FTCDNL1: variants seen among roughly 807,000 people sequenced by gnomAD.
The protein encoded by FTCDNL1 is formiminotransferase N-terminal subdomain-containing protein.
Under a neutral mutation model 5.9 loss-of-function variants are expected in FTCDNL1, and 11 were observed. The ratio of observed to expected loss-of-function variants is 1.87; its 90% CI spans 1.18 to 3.10. FTCDNL1 has a LOEUF of 3.10. Ranked by LOEUF, FTCDNL1 falls within the 30% of genes most tolerant of loss-of-function variation. The pLI is 0.00. For synonymous variants in FTCDNL1, 58 were observed against 24.8 expected (o/e 2.34, Z -3.99); for missense variants, 115 against 65.5 (o/e 1.76, Z -2.61).
At chr2:199,703,811 T>G in the FTCDNL1 span, among the ~76,000 whole-genome samples, 1 of 152,212 alleles carries the variant, frequency 6.6e-6, no homozygotes, top group South Asian at 2.1e-4. Context: ...TGTATGTATT[T>G]AAATTTTTCT....
chr2:199,770,707 A>T (rs1024958650), intron 3 of FTCDNL1, among the ~76,000 whole-genome samples: 1 of 152,218 alleles, frequency 6.6e-6, no homozygotes, highest in African/African-American at 2.4e-5. Context: ...AGGGGAGAAT[A>T]GAGCCCTTTG....
At chr2:199,685,622 A>C in the FTCDNL1 span, among the ~76,000 whole-genome samples, 2 of 152,178 alleles carry the variant, frequency 1.3e-5, no homozygotes, top group Non-Finnish European at 2.9e-5. Context: ...GAAGTTCTCT[A>C]AGTTACCCAG....
At chr2:199,804,016 A>G (rs756997762) in intron 3 of FTCDNL1, among the ~76,000 whole-genome samples, 5 of 152,236 alleles carry the variant, frequency 3.3e-5, no homozygotes, top group Non-Finnish European at 5.9e-5. Flanking sequence ...TTGCTATTTT[A>G]TCTTCCTTTT....
At chr2:199,834,255 G>A (rs1702562377) in intron 3 of FTCDNL1, among the ~76,000 whole-genome samples, 2 of 152,146 alleles carry the variant, frequency 1.3e-5, no homozygotes, top group South Asian at 4.1e-4. Context: ...ACACCTCTCA[G>A]AAGGAACCAA....
intron 3 of FTCDNL1, among the ~76,000 whole-genome samples, chr2:199,841,433 G>A (rs1559245243): frequency 6.6e-6 from 1 of 151,848 alleles, no homozygotes; most frequent in Non-Finnish European, 1.5e-5. Flanking sequence ...AAAATATTGG[G>A]GAAAAACCTG....
At chr2:199,804,349 C>T (rs996998157), downstream of FTCDNL1, among the ~76,000 whole-genome samples, 1 of 152,142 alleles carries the variant, frequency 6.6e-6, no homozygotes, top group Non-Finnish European at 1.5e-5. Flanking sequence ...AGATAAAAAG[C>T]ATTATCTACA....
the FTCDNL1 span, among the ~76,000 whole-genome samples, chr2:199,705,054 T>A: frequency 0.84 from 127,112 of 152,114 alleles, 53,325 homozygotes; most frequent in East Asian, 1. Flanking sequence ...CCACAGAAAC[T>A]ACAAATGACA....
At chr2:199,842,023 C>T (rs879634808) in intron 3 of FTCDNL1, among the ~76,000 whole-genome samples, 1 of 152,094 alleles carries the variant, frequency 6.6e-6, no homozygotes, top group Non-Finnish European at 1.5e-5. Context: ...CTTTGGGAGG[C>T]CGAGGCCGGC....
chr2:199,761,156 T>A (rs1383937369), intron 3 of FTCDNL1, among the ~76,000 whole-genome samples: 1 of 152,214 alleles, frequency 6.6e-6, no homozygotes, highest in African/African-American at 2.4e-5. Context: ...GTAAGAAGCC[T>A]GCAGGTATCC....
At chr2:199,723,237 T>A in the FTCDNL1 span, among the ~76,000 whole-genome samples, 2 of 152,146 alleles carry the variant, frequency 1.3e-5, no homozygotes, top group Admixed American at 1.3e-4. Flanking sequence ...AGATTTTGTA[T>A]CCTGAGACTT....
At chr2:199,832,334 G>A (rs1046213763) in intron 3 of FTCDNL1, among the ~76,000 whole-genome samples, 1 of 152,036 alleles carries the variant, frequency 6.6e-6, no homozygotes, top group East Asian at 1.9e-4. Flanking sequence ...TTATTTCATG[G>A]ACTCAGTTTT....
intron 3 of FTCDNL1, among the ~76,000 whole-genome samples, chr2:199,774,759 C>T (rs183276427): frequency 2.6e-5 from 4 of 152,222 alleles, no homozygotes; most frequent in Non-Finnish European, 5.9e-5. Flanking sequence ...AGAACTGACC[C>T]TCAGGTTTTT....
chr2:199,699,028 A>C, the FTCDNL1 span, among the ~76,000 whole-genome samples: 1 of 152,358 alleles, frequency 6.6e-6, no homozygotes, highest in East Asian at 1.9e-4. Flanking sequence ...AGACATGGAT[A>C]TATTTCTGAA....
downstream of FTCDNL1, among the ~76,000 whole-genome samples, chr2:199,809,110 C>T (rs959600519): frequency 3.9e-5 from 6 of 152,102 alleles, no homozygotes; most frequent in African/African-American, 4.8e-5. Context: ...TTTCCATCTT[C>T]GTTGTAATCA....
At chr2:199,822,731 T>A (rs141981514) in intron 3 of FTCDNL1, among the ~76,000 whole-genome samples, 2 of 152,332 alleles carry the variant, frequency 1.3e-5, no homozygotes, top group East Asian at 3.9e-4. Context: ...ATATTCTAAA[T>A]CTTGTGTTGT....
At chr2:199,702,681 C>T in the FTCDNL1 span, among the ~76,000 whole-genome samples, 1 of 152,110 alleles carries the variant, frequency 6.6e-6, no homozygotes, top group Non-Finnish European at 1.5e-5. Context: ...GATCTGTGCC[C>T]TTGTGGAGTT....
chr2:199,835,602 C>T (rs1439432035), intron 3 of FTCDNL1, among the ~76,000 whole-genome samples: 2 of 152,094 alleles, frequency 1.3e-5, no homozygotes. Context: ...ATCATTATAT[C>T]ATTTCTTCAG....
chr2:199,755,485 G>T, the FTCDNL1 span, among the ~76,000 whole-genome samples: 2 of 152,222 alleles, frequency 1.3e-5, no homozygotes, highest in Non-Finnish European at 1.5e-5. Context: ...CACCATTTAT[G>T]TGATCTTGGG....
intron 4 of FTCDNL1, among the ~76,000 whole-genome samples, chr2:199,816,298 TTTCTACCC>T (rs1701348555): frequency 6.6e-6 from 1 of 152,164 alleles, no homozygotes; most frequent in Non-Finnish European, 1.5e-5. Flanking sequence ...CAAGCTAAGG[TTTCTACCC>T]TTGGTCATGG....
Sources: allele counts gnomAD v4.1 joint callset (sites outside exome capture counted in the v4.1 genomes callset), GRCh38; gene constraint gnomAD v4.1.1; transcripts MANE v1.5; gene names NCBI Gene and HGNC (gene_info 2026-07-23, HGNC 2026-07-21).